PTPN13: variants seen among roughly 807,000 people sequenced by gnomAD.
PTPN13 encodes protein tyrosine phosphatase non-receptor type 13, also known as tyrosine-protein phosphatase non-receptor type 13.
In PTPN13, 191 loss-of-function variants were observed where a neutral mutation model predicts 284.0. The observed-to-expected ratio is 0.67, with a 90% CI of 0.60 to 0.76. PTPN13 has a LOEUF of 0.76. Ranked by LOEUF, PTPN13 falls within the 30% of genes least tolerant of loss-of-function variation. The pLI, the probability that PTPN13 is intolerant of heterozygous loss-of-function variation, is 0.00. For synonymous variants in PTPN13, 986 were observed against 1,022.3 expected (o/e 0.96, Z 0.68); for missense variants, 2,797 against 2,939.9 (o/e 0.95, Z 1.12).
chr4:86,673,068 T>G (rs903774620), intron 3 of PTPN13, among the ~76,000 whole-genome samples: 3 of 152,202 alleles, frequency 2.0e-5, no homozygotes, highest in African/African-American at 7.2e-5. Flanking sequence ...CCTATGAGAA[T>G]CTAATGCCAA....
At chr4:86,791,860 A>T (rs1742716312) in intron 40 of PTPN13, among the ~76,000 whole-genome samples, 1 of 152,202 alleles carries the variant, frequency 6.6e-6, no homozygotes, top group Non-Finnish European at 1.5e-5. Flanking sequence ...GGTCACCAAC[A>T]TCTAAGACCA....
At chr4:86,774,574 C>G in intron 33 of PTPN13, 43 bp downstream of exon 33, 1 of 1,511,990 alleles carries the variant, frequency 6.6e-7, no homozygotes, top group Non-Finnish European at 8.9e-7. Context: ...TAAATGTAGA[C>G]AAAGAGCAAG....
chr4:86,667,359 T>C (rs1403159035), intron 2 of PTPN13, among the ~76,000 whole-genome samples: 1 of 152,236 alleles, frequency 6.6e-6, no homozygotes, highest in Non-Finnish European at 1.5e-5. Context: ...AATTTTATTT[T>C]CAATAAGGGA....
At chr4:86,769,747 T>A in intron 28 of PTPN13, 22 bp from the exon 29 acceptor site, 1 of 1,474,676 alleles carries the variant, frequency 6.8e-7, no homozygotes, top group Non-Finnish European at 9.3e-7. Context: ...TATCTAAATT[T>A]TTTTTATATC....
chr4:86,757,174 T>A (rs1363446495), intron 20 of PTPN13, among the ~76,000 whole-genome samples: 1 of 152,186 alleles, frequency 6.6e-6, no homozygotes. Context: ...TAATTGTGAA[T>A]GATTAGCCTA....
chr4:86,618,692 T>G (rs889554308), intron 1 of PTPN13, among the ~76,000 whole-genome samples: 1 of 152,172 alleles, frequency 6.6e-6, no homozygotes, highest in African/African-American at 2.4e-5. Flanking sequence ...TGAAGCAATT[T>G]TGAATGGGAG....
intron 2 of PTPN13, among the ~76,000 whole-genome samples, chr4:86,660,965 ATTGT>A (rs1341290951): frequency 6.6e-6 from 1 of 152,138 alleles, no homozygotes; most frequent in Non-Finnish European, 1.5e-5. Context: ...CACTATATTT[ATTGT>A]TTAAATTTTT....
intron 15 of PTPN13, among the ~76,000 whole-genome samples, chr4:86,736,738 A>C (rs947890993): frequency 3.3e-5 from 5 of 152,216 alleles, no homozygotes; most frequent in Non-Finnish European, 7.4e-5. Flanking sequence ...GCAGACAGAC[A>C]GTCTTGCATT....
intron 40 of PTPN13, among the ~76,000 whole-genome samples, chr4:86,795,902 T>G (rs1743283377): frequency 6.6e-6 from 1 of 151,976 alleles, no homozygotes; most frequent in Non-Finnish European, 1.5e-5. Context: ...TTTGGGGGCC[T>G]GGGGGAGGGA....
rs72872224 is a variant in PTPN13, at chr4:86,696,343, A to G, written c.634+2669A>G. Among the ~76,000 whole-genome samples the G allele has an allele frequency of 1.2e-3, 189 of 152,060 alleles. 1 individual carries two copies. The highest frequency in any genetic ancestry group is 4.4e-3 in the African/African-American group (181 of 41,558). On this transcript the variant is annotated intron_variant, in intron 6 of 47. Coordinates refer to ENST00000411767, the MANE Select transcript of PTPN13 (RefSeq NM_080683.3). Reference sequence around the variant, plus strand: ...TGGAAATACTGGATTTTGAAGTGTAATATATTTGTAGTATACTTCTTTAAT... The same window carrying G: ...TGGAAATACTGGATTTTGAAGTGTAGTATATTTGTAGTATACTTCTTTAAT...
chr4:86,643,845 C>T (rs1055908949), intron 2 of PTPN13, among the ~76,000 whole-genome samples: 4 of 152,084 alleles, frequency 2.6e-5, no homozygotes, highest in Non-Finnish European at 5.9e-5. Flanking sequence ...TCATTATGAA[C>T]TTACACCTAT....
At chr4:86,678,151 A>C (rs1728500409) in intron 3 of PTPN13, among the ~76,000 whole-genome samples, 1 of 152,222 alleles carries the variant, frequency 6.6e-6, no homozygotes, top group Admixed American at 6.5e-5. Context: ...GATGAAATAT[A>C]AAAGGTAATG....
chr4:86,784,930 G>A (rs1741729512), intron 38 of PTPN13, among the ~76,000 whole-genome samples: 1 of 152,010 alleles, frequency 6.6e-6, no homozygotes, highest in South Asian at 2.1e-4. Flanking sequence ...TACATTGAGA[G>A]TCATTTAAGA....
intron 40 of PTPN13, among the ~76,000 whole-genome samples, chr4:86,791,039 C>T (rs28409669): frequency 0.099 from 15,119 of 152,044 alleles, 872 homozygotes; most frequent in Non-Finnish European, 0.11. Context: ...CAGGGTGGGG[C>T]GTCGCCTCAC....
chr4:86,684,425 G>A (rs1729227253), intron 3 of PTPN13, among the ~76,000 whole-genome samples: 2 of 152,078 alleles, frequency 1.3e-5, no homozygotes, highest in Non-Finnish European at 2.9e-5. Flanking sequence ...GGGAAGGAGC[G>A]ATGACAGAAG....
chr4:86,631,579 A>G (rs932373950), intron 1 of PTPN13, among the ~76,000 whole-genome samples: 7 of 152,202 alleles, frequency 4.6e-5, no homozygotes, highest in South Asian at 2.1e-4. Context: ...TAGCTTGATG[A>G]TAACTTTGAA....
chr4:86,717,025 G>A lies in PTPN13; in HGVS notation c.1293G>A (p.Val431=). 6.2e-7 allele frequency: 1 copy of A among 1,608,400 alleles called. No homozygotes were observed. The highest frequency in any genetic ancestry group is 8.5e-7 in the Non-Finnish European group (1 of 1,175,924). ...IISSESDFRQ[V]RRSEASKRFE... is the part of the protein sequence containing the mutation. ...TATTTCTTTTTCATTCATAATTAGT[G>A]AGAAGAAGTGAAGCCTCAAAGAGGT... The change falls in exon 9 of 48, where the codon GTG becomes GTA. Residue 431 remains valine (V), a splice_region_variant and synonymous_variant. Transcript: ENST00000411767.
At chr4:86,798,213 A>G (rs1441858977) in intron 41 of PTPN13, among the ~76,000 whole-genome samples, 1 of 152,214 alleles carries the variant, frequency 6.6e-6, no homozygotes, top group African/African-American at 2.4e-5. Flanking sequence ...GTTTGATGAG[A>G]CGAATGAGCA....
chr4:86,708,218 G>A (rs1483149420), intron 7 of PTPN13, among the ~76,000 whole-genome samples: 1 of 152,142 alleles, frequency 6.6e-6, no homozygotes, highest in East Asian at 1.9e-4. Context: ...ATATTGGACA[G>A]TGCAGCTTTA....
Sources: allele counts gnomAD v4.1 joint callset (sites outside exome capture counted in the v4.1 genomes callset), GRCh38; gene constraint gnomAD v4.1.1; transcripts MANE v1.5; gene names NCBI Gene and HGNC (gene_info 2026-07-23, HGNC 2026-07-21).